Variants in NEGR1 observed in about 807,000 individuals in gnomAD.
NEGR1 encodes neuronal growth regulator 1, also known as IgLON family member 4.
In NEGR1, 10 loss-of-function variants were observed where a neutral mutation model predicts 40.9. The ratio of observed to expected loss-of-function variants is 0.24; its 90% CI spans 0.15 to 0.42. The LOEUF (loss-of-function observed/expected upper bound fraction) is 0.42, where lower values mean the gene tolerates loss of function less well. Ranked by LOEUF, NEGR1 falls within the 10% of genes least tolerant of loss-of-function variation. The pLI is 1.00. For missense variants in NEGR1, 352 were observed against 438.9 expected, an observed-to-expected ratio of 0.80 and a Z score of 1.77; for synonymous variants, 185 against 166.8, an observed-to-expected ratio of 1.11 and a Z score of -0.84.
chr1:71,676,135 T>A (rs1161519451), intron 4 of NEGR1, among the ~76,000 whole-genome samples: 1 of 152,142 alleles, frequency 6.6e-6, no homozygotes. Context: ...TTTTGTAAGG[T>A]CTAAATTTTA....
intron 6 of NEGR1, among the ~76,000 whole-genome samples, chr1:71,479,566 C>G (rs757095981): frequency 5.5e-4 from 84 of 152,050 alleles, no homozygotes; most frequent in Admixed American, 1.9e-3. Flanking sequence ...TTAGGTCCTT[C>G]TGACACCCAA....
chr1:71,752,011 A>G (rs1014116059), intron 3 of NEGR1, among the ~76,000 whole-genome samples: 3 of 152,212 alleles, frequency 2.0e-5, no homozygotes, highest in African/African-American at 7.2e-5. Context: ...ATGTTGATAT[A>G]TTTAAATAAT....
intron 1 of NEGR1, among the ~76,000 whole-genome samples, chr1:72,178,653 A>T (rs1652257106): frequency 6.6e-6 from 1 of 151,838 alleles, no homozygotes; most frequent in Middle Eastern, 3.4e-3. Context: ...CCAGCAGTGT[A>T]TAAGCGTTCC....
intron 1 of NEGR1, among the ~76,000 whole-genome samples, chr1:72,120,970 C>T (rs1011897535): frequency 6.6e-6 from 1 of 151,992 alleles, no homozygotes; most frequent in Admixed American, 6.6e-5. Flanking sequence ...AGACACAATT[C>T]ACTGTGGAAA....
chr1:71,454,886 A>C (rs1319736125), intron 6 of NEGR1, among the ~76,000 whole-genome samples: 1 of 152,138 alleles, frequency 6.6e-6, no homozygotes, highest in Non-Finnish European at 1.5e-5. Flanking sequence ...TTTCCTTAGG[A>C]CACCATTTTT....
At chr1:71,920,047 A>C (rs140094028) in intron 2 of NEGR1, among the ~76,000 whole-genome samples, 190 of 152,236 alleles carry the variant, frequency 1.2e-3, no homozygotes, top group Middle Eastern at 3.4e-3. Context: ...AGTTGAGCTC[A>C]GCAATTATAG....
chr1:71,776,763 G>A (rs891378540), intron 2 of NEGR1, among the ~76,000 whole-genome samples: 35 of 152,064 alleles, frequency 2.3e-4, no homozygotes, highest in African/African-American at 7.7e-4. Flanking sequence ...TGATTGGGAG[G>A]TAAGATTTCA....
At chr1:71,980,505 G>A (rs910689669) in intron 1 of NEGR1, among the ~76,000 whole-genome samples, 10 of 152,008 alleles carry the variant, frequency 6.6e-5, no homozygotes, top group South Asian at 2.1e-4. Context: ...GACTCTATAC[G>A]TTTTACAGAT....
intron 1 of NEGR1, among the ~76,000 whole-genome samples, chr1:72,042,208 T>C (rs1258247065): frequency 6.6e-6 from 1 of 151,502 alleles, no homozygotes; most frequent in Non-Finnish European, 1.5e-5. Context: ...GGTGGTCATG[T>C]TGGAATTTTC....
intron 1 of NEGR1, among the ~76,000 whole-genome samples, chr1:72,127,479 A>G (rs903902285): frequency 1.3e-5 from 2 of 150,002 alleles, no homozygotes; most frequent in Non-Finnish European, 3.0e-5. Flanking sequence ...AAAAAAAAAA[A>G]AAAAAAAAAA....
At chr1:72,168,556 A>C (rs962053555) in intron 1 of NEGR1, among the ~76,000 whole-genome samples, 1 of 151,902 alleles carries the variant, frequency 6.6e-6, no homozygotes, top group Admixed American at 6.6e-5. Context: ...AAAACATCCC[A>C]CTCTACCATG....
At chr1:71,784,920 C>T (rs1050541177) in intron 2 of NEGR1, among the ~76,000 whole-genome samples, 3 of 152,170 alleles carry the variant, frequency 2.0e-5, no homozygotes, top group Non-Finnish European at 2.9e-5. Flanking sequence ...GCAAATTTCT[C>T]GCATGCTGTA....
At chr1:71,780,324 TA>T (rs1449372002) in intron 2 of NEGR1, among the ~76,000 whole-genome samples, 4 of 152,212 alleles carry the variant, frequency 2.6e-5, no homozygotes, top group African/African-American at 9.6e-5. Flanking sequence ...TTGATGAGTG[TA>T]AACTCATTTA....
At chr1:71,932,163 C>T (rs1056810876) in intron 2 of NEGR1, among the ~76,000 whole-genome samples, 2 of 151,864 alleles carry the variant, frequency 1.3e-5, no homozygotes, top group Non-Finnish European at 2.9e-5. Context: ...GTAACAGGAG[C>T]TATATGTAAA....
intron 6 of NEGR1, among the ~76,000 whole-genome samples, chr1:71,574,512 G>T (rs1648901776): frequency 6.6e-6 from 1 of 152,070 alleles, no homozygotes; most frequent in Non-Finnish European, 1.5e-5. Context: ...TTATGCCAAA[G>T]AATAGTTACT....
chr1:71,741,074 C>T lies in NEGR1; in HGVS notation c.535+35098G>A, dbSNP rs1018136405. On this transcript the variant is annotated intron_variant, in intron 3 of 6. Transcript: ENST00000357731. ...ATTTAGTGATTTCTTCCATTCATGGCGTCTTAGGCATTCAATCATTTGATT... is the reference window on the plus strand; with the variant it reads ...ATTTAGTGATTTCTTCCATTCATGGTGTCTTAGGCATTCAATCATTTGATT... Among the ~76,000 whole-genome samples the T allele has an allele frequency of 5.9e-5, 9 of 152,086 alleles. 1 individual carries two copies. The highest frequency in any genetic ancestry group is 5.8e-4 in the East Asian group (3 of 5,178).
chr1:72,139,149 C>T (rs1570027520), intron 1 of NEGR1, among the ~76,000 whole-genome samples: 1 of 147,740 alleles, frequency 6.8e-6, no homozygotes, highest in South Asian at 2.1e-4. Flanking sequence ...GTGGCTAGAG[C>T]AGTATTTAGG....
At chr1:71,684,590 C>T (rs1045426670) in intron 4 of NEGR1, among the ~76,000 whole-genome samples, 3 of 152,252 alleles carry the variant, frequency 2.0e-5, no homozygotes, top group South Asian at 2.1e-4. Context: ...ACTTCAGTTT[C>T]CCTGACCTCA....
intron 1 of NEGR1, among the ~76,000 whole-genome samples, chr1:72,140,615 T>C (rs1385921): frequency 0.23 from 34,319 of 151,996 alleles, 4,445 homozygotes; most frequent in South Asian, 0.3. Context: ...AGGGGACAAA[T>C]ATTCAAACCA....
Sources: allele counts gnomAD v4.1 joint callset (sites outside exome capture counted in the v4.1 genomes callset), GRCh38; gene constraint gnomAD v4.1.1; transcripts MANE v1.5; gene names NCBI Gene and HGNC (gene_info 2026-07-23, HGNC 2026-07-21).